Variants in CNTLN observed in about 807,000 individuals in gnomAD.
The protein encoded by CNTLN is centlein.
In CNTLN, 212 loss-of-function variants were observed where a neutral mutation model predicts 180.0. The ratio of observed to expected loss-of-function variants is 1.18; its 90% CI spans 1.05 to 1.32. The LOEUF (loss-of-function observed/expected upper bound fraction) is 1.32. Among genes scored for constraint, CNTLN ranks in the 40% most tolerant of loss-of-function variants. CNTLN has a pLI of 0.00. For missense variants in CNTLN, 2,095 were observed against 1,610.9 expected, an observed-to-expected ratio of 1.30 and a Z score of -5.14; for synonymous variants, 722 against 563.1, an observed-to-expected ratio of 1.28 and a Z score of -3.99.
At chr9:17,256,695 G>C (rs1826517496) in intron 5 of CNTLN, among the ~76,000 whole-genome samples, 1 of 151,794 alleles carries the variant, frequency 6.6e-6, no homozygotes, top group Non-Finnish European at 1.5e-5. Flanking sequence ...GACAGAAAAG[G>C]GCAGAGAAAA....
At chr9:17,313,726 TC>T (rs1819362726) in intron 8 of CNTLN, among the ~76,000 whole-genome samples, 2 of 152,222 alleles carry the variant, frequency 1.3e-5, no homozygotes, top group African/African-American at 2.4e-5. Flanking sequence ...TTCTTTCTTT[TC>T]TCCTTTTGAG....
At chr9:17,506,709 C>T (rs1318438369), downstream of CNTLN, among the ~76,000 whole-genome samples, 1 of 135,538 alleles carries the variant, frequency 7.4e-6, no homozygotes, top group Non-Finnish European at 1.6e-5. Context: ...GAGAAGCTTA[C>T]TTAATGTTCT....
At chr9:17,525,169 A>C in the CNTLN span, among the ~76,000 whole-genome samples, 13 of 152,210 alleles carry the variant, frequency 8.5e-5, no homozygotes, top group Non-Finnish European at 1.5e-5. Context: ...CCCAAACCAT[A>C]AAAATGACCA....
chr9:17,256,654 A>T (rs1237245332), intron 5 of CNTLN, among the ~76,000 whole-genome samples: 1 of 151,818 alleles, frequency 6.6e-6, no homozygotes, highest in African/African-American at 2.4e-5. Flanking sequence ...TGTGTATTCA[A>T]ATGAGCCGAT....
chr9:17,136,848 G>C (rs549040341), intron 1 of CNTLN, among the ~76,000 whole-genome samples: 1 of 152,310 alleles, frequency 6.6e-6, no homozygotes, highest in South Asian at 2.1e-4. Context: ...GTCATCTGCA[G>C]ACCTCACCCT....
chr9:17,294,217 CT>C (rs1021390762), intron 6 of CNTLN, among the ~76,000 whole-genome samples: 49 of 151,952 alleles, frequency 3.2e-4, no homozygotes, highest in African/African-American at 1.2e-3. Flanking sequence ...AAGAACAAAG[CT>C]TCCACAGTGT....
chr9:17,358,197 T>A (rs1823003166), intron 12 of CNTLN, among the ~76,000 whole-genome samples: 1 of 152,046 alleles, frequency 6.6e-6, no homozygotes, highest in Non-Finnish European at 1.5e-5. Context: ...TTGGTAATAG[T>A]GAACAATTAG....
chr9:17,222,556 C>G (rs568268825), intron 2 of CNTLN, among the ~76,000 whole-genome samples: 3 of 151,984 alleles, frequency 2.0e-5, no homozygotes, highest in African/African-American at 7.2e-5. Context: ...TTTCTCTTGC[C>G]GCTGCCATGT....
At chr9:17,226,936 T>C (rs1018399185) in intron 3 of CNTLN, among the ~76,000 whole-genome samples, 3 of 151,358 alleles carry the variant, frequency 2.0e-5, no homozygotes, top group African/African-American at 7.3e-5. Flanking sequence ...AATTTTTATA[T>C]ATATATTTTT....
intron 6 of CNTLN, among the ~76,000 whole-genome samples, chr9:17,295,359 G>A (rs1315257820): frequency 1.3e-5 from 2 of 152,326 alleles, no homozygotes; most frequent in Middle Eastern, 3.4e-3. Flanking sequence ...AGCGAGCCAC[G>A]ACTGCGAGGG....
At chr9:17,363,518 T>C (rs1823572592) in intron 12 of CNTLN, among the ~76,000 whole-genome samples, 1 of 151,732 alleles carries the variant, frequency 6.6e-6, no homozygotes. Context: ...TTCATTTCTC[T>C]TCTGACCTCT....
downstream of CNTLN, among the ~76,000 whole-genome samples, chr9:17,504,926 G>T (rs1833905243): frequency 6.6e-6 from 1 of 152,094 alleles, no homozygotes; most frequent in Non-Finnish European, 1.5e-5. Context: ...TAAGTTTGTG[G>T]TACTTTGTGA....
intron 18 of CNTLN, among the ~76,000 whole-genome samples, chr9:17,456,805 T>C (rs926001942): frequency 3.3e-5 from 5 of 152,146 alleles, no homozygotes; most frequent in African/African-American, 7.2e-5. Flanking sequence ...CTGCTCACTA[T>C]AGATGGGTGA....
At chr9:17,279,613 T>C (rs1369152664) in intron 6 of CNTLN, among the ~76,000 whole-genome samples, 1 of 151,716 alleles carries the variant, frequency 6.6e-6, no homozygotes. Flanking sequence ...TCTTTGTTTT[T>C]GGAAGGTGTC....
intron 13 of CNTLN, among the ~76,000 whole-genome samples, chr9:17,373,781 T>C (rs1281024456): frequency 6.6e-6 from 1 of 152,090 alleles, no homozygotes; most frequent in African/African-American, 2.4e-5. Flanking sequence ...CATAGACCAA[T>C]AGAACCTAAC....
intron 8 of CNTLN, 64 bp downstream of exon 8, chr9:17,309,316 G>T: frequency 1.6e-6 from 2 of 1,259,180 alleles, no homozygotes; most frequent in South Asian, 2.0e-5. Flanking sequence ...TCCTACAATT[G>T]ACTAAAACAT....
chr9:17,344,380 A>T (rs1821715651), intron 12 of CNTLN, among the ~76,000 whole-genome samples: 1 of 152,194 alleles, frequency 6.6e-6, no homozygotes, highest in African/African-American at 2.4e-5. Flanking sequence ...GATCAGTCTT[A>T]ATTTAGTAAC....
At chr9:17,228,665 C>T (rs568060655) in intron 3 of CNTLN, among the ~76,000 whole-genome samples, 1 of 152,170 alleles carries the variant, frequency 6.6e-6, no homozygotes, top group South Asian at 2.1e-4. Flanking sequence ...ACTCTTTAGT[C>T]TCATACAGAC....
chr9:17,343,822 G>A (rs373156012), intron 12 of CNTLN, among the ~76,000 whole-genome samples: 1 of 152,040 alleles, frequency 6.6e-6, no homozygotes, highest in South Asian at 2.1e-4. Flanking sequence ...ATATGACTTT[G>A]TTGTCACTCC....
Sources: gnomAD v4.1 joint callset for allele counts (sites outside exome capture counted in the v4.1 genomes callset) on GRCh38, gnomAD v4.1.1 for gene constraint, MANE v1.5 for transcripts, NCBI Gene and HGNC (gene_info 2026-07-23, HGNC 2026-07-21) for gene names.